PHLPP2: variants seen among roughly 807,000 people sequenced by gnomAD.
PHLPP2 encodes the protein PH domain leucine-rich repeat-containing protein phosphatase 2.
In PHLPP2, 66 loss-of-function variants were observed where a neutral mutation model predicts 124.9. That is an observed-to-expected ratio of 0.53 (90% CI 0.43 to 0.65). The LOEUF (loss-of-function observed/expected upper bound fraction) is 0.65, where lower values mean the gene tolerates loss of function less well. Ranked by LOEUF, PHLPP2 falls within the 30% of genes least tolerant of loss-of-function variation. The pLI is 0.00. For synonymous variants in PHLPP2, 681 were observed against 624.7 expected, an observed-to-expected ratio of 1.09 and a Z score of -1.34; for missense variants, 1,685 against 1,600.4, an observed-to-expected ratio of 1.05 and a Z score of -0.90.
In PHLPP2 at chr16:71,658,283, C is replaced by A; in HGVS notation, c.2229G>T (p.Leu743=). Residue 743 remains leucine, a synonymous_variant, in exon 15 of 19, where the codon CTG becomes CTT. Transcript: ENST00000568954. ...CCAGAACCAGATTTGTATTTCCAGTCAGGTCAAGGTCTTGTAATGTAGCAG... is the reference window on the plus strand; with the variant it reads ...CCAGAACCAGATTTGTATTTCCAGTAAGGTCAAGGTCTTGTAATGTAGCAG... The part of the protein sequence containing the change: ...ALPATLQDLD[L]TGNTNLVLEH... 6.2e-7 allele frequency: 1 copy of A among 1,613,848 alleles called. No homozygotes were observed. The highest frequency in any genetic ancestry group is 1.1e-5 in the South Asian group (1 of 91,044).
chr16:71,664,451 G>GA (rs1261404275), intron 12 of PHLPP2, among the ~76,000 whole-genome samples: 3 of 152,136 alleles, frequency 2.0e-5, no homozygotes, highest in Non-Finnish European at 4.4e-5. Context: ...ACACCATTTA[G>GA]AAAAACTTTT....
At chr16:71,723,944 G>C (rs2045416550) in intron 1 of PHLPP2, 1 of 436,212 alleles carries the variant, frequency 2.3e-6, no homozygotes, top group African/African-American at 2.1e-5. Context: ...CGAGCAACCG[G>C]TGGCCCCGCC....
At chr16:71,679,675 C>T (rs1324693186) in intron 6 of PHLPP2, 140 bp from the exon 7 acceptor site, 7 of 696,898 alleles carry the variant, frequency 1.0e-5, no homozygotes, top group African/African-American at 1.8e-5. Flanking sequence ...TGAGCACTCG[C>T]TGCATATCAA....
In PHLPP2 at chr16:71,649,391, C is replaced by G. The variant is rs1410687591; in HGVS notation, c.3471G>C (p.Gly1157=). The change falls in exon 19 of 19, where the codon GGG becomes GGC. Residue 1157 remains glycine, a synonymous_variant. Transcript: ENST00000568954. The part of the protein sequence containing the change: ...LDSDDDQPVE[G]VITNGSKVEV... Reference sequence around the variant, plus strand: ...CTACCTTGCTGCCATTGGTTATGACCCCCTCAACGGGCTGGTCATCATCAC... The same window carrying G: ...CTACCTTGCTGCCATTGGTTATGACGCCCTCAACGGGCTGGTCATCATCAC... The G allele has an allele frequency of 6.2e-7, 1 of 1,613,944 alleles. No homozygotes were observed. Among genetic ancestry groups the G allele is most frequent in the Non-Finnish European group, 8.5e-7 (1 of 1,179,984 alleles).
chr16:71,691,197 C>G (rs928088158), intron 3 of PHLPP2, among the ~76,000 whole-genome samples: 1 of 152,136 alleles, frequency 6.6e-6, no homozygotes. Flanking sequence ...CTCCCGCCTG[C>G]AATCCCAGCA....
At chr16:71,653,583 G>A (rs189069465) in intron 17 of PHLPP2, among the ~76,000 whole-genome samples, 178 of 152,246 alleles carry the variant, frequency 1.2e-3, no homozygotes, top group Non-Finnish European at 1.9e-3. Context: ...CAATGTTAAC[G>A]AGGAACAGAC....
chr16:71,680,145 T>C (rs1044790692), intron 6 of PHLPP2, among the ~76,000 whole-genome samples: 1 of 152,208 alleles, frequency 6.6e-6, no homozygotes, highest in Non-Finnish European at 1.5e-5. Context: ...ACAATTCTTT[T>C]GTATTTCTTC....
Position 71,648,314 on chromosome 16 carries a change from A to T in PHLPP2, c.*576T>A, listed in dbSNP as rs2044667513. ...GGGTTAATGGCAGGTGGTAGGACTGATACAGAACAGCTGCTTTCTTCCCAG... is the reference window on the plus strand; with the variant it reads ...GGGTTAATGGCAGGTGGTAGGACTGTTACAGAACAGCTGCTTTCTTCCCAG... On this transcript the variant is annotated 3_prime_UTR_variant, in exon 19 of 19. Transcript: ENST00000568954. 1 of 157,532 alleles carries T rather than the reference A, an allele frequency of 6.3e-6. No homozygotes were observed. Among genetic ancestry groups the T allele is most frequent in the Non-Finnish European group, 1.4e-5 (1 of 69,984 alleles). 9.8% of individuals were successfully genotyped at this position (157,532 alleles called of 1,614,324 possible). A position where few individuals can be genotyped will look rare whatever the true frequency, so the allele number is the denominator to read the frequency against.
At chr16:71,713,435 T>C (rs1246029568) in intron 2 of PHLPP2, among the ~76,000 whole-genome samples, 1 of 152,166 alleles carries the variant, frequency 6.6e-6, no homozygotes, top group Non-Finnish European at 1.5e-5. Flanking sequence ...AAATTAACAA[T>C]ACTAATATCC....
intron 1 of PHLPP2, chr16:71,723,743 G>C: frequency 8.6e-7 from 1 of 1,168,120 alleles, no homozygotes; most frequent in Non-Finnish European, 1.1e-6. Flanking sequence ...CCGCTCGCTC[G>C]CTCGCTGGTC....
intron 4 of PHLPP2, 199 bp from the exon 5 acceptor site, chr16:71,684,800 A>C: frequency 1.9e-6 from 1 of 516,304 alleles, no homozygotes. Flanking sequence ...ATCCCAACAC[A>C]TTAGCTGTGC....
intron 17 of PHLPP2, among the ~76,000 whole-genome samples, chr16:71,653,695 G>A (rs928144146): frequency 2.0e-5 from 3 of 152,166 alleles, no homozygotes; most frequent in Non-Finnish European, 4.4e-5. Flanking sequence ...AAAATATATA[G>A]CATGGAAAAT....
intron 5 of PHLPP2, among the ~76,000 whole-genome samples, chr16:71,682,714 G>T (rs2045014331): frequency 2.6e-5 from 4 of 152,042 alleles, no homozygotes; most frequent in Admixed American, 2.0e-4. Context: ...AATGGAATAG[G>T]TACTTAAAAC....
At position 71,649,610 on chromosome 16, in the gene PHLPP2, C is replaced by CATCTCACTGCTGAACTCAGAGGCA; in HGVS notation, c.3228_3251dup (p.Ile1076_Glu1083dup). On this transcript the variant is annotated inframe_insertion, in exon 19 of 19. Transcript: ENST00000568954. ...CTTCACTGCTCACCTCTGAGGTGGA[C>CATCTCACTGCTGAACTCAGAGGCA]ATCTCACTGCTGAACTCAGAGGCAA... is the stretch of plus-strand genomic sequence containing the variant. 1 of 1,614,172 alleles carries CATCTCACTGCTGAACTCAGAGGCA rather than the reference C, an allele frequency of 6.2e-7. No homozygotes were observed.
Position 71,678,948 on chromosome 16 carries a change from T to A in PHLPP2, c.1075A>T (p.Thr359Ser). ...AGATTTCCCAATTCTTCAGGTAAAG[T>A]AGTCAGAAAGTTGCCATCAAGACAG... ...TLCLDGNFLT[T>S]LPEELGNLQQ... Residue 359 changes from threonine to serine, a missense_variant, in exon 8 of 19, where the codon ACT becomes TCT. Thr to Ser is a moderately conservative substitution (Grantham distance 58). Coordinates refer to ENST00000568954, the MANE Select transcript of PHLPP2 (RefSeq NM_015020.3). 6.2e-7 allele frequency: 1 copy of A among 1,612,056 alleles called. No homozygotes were observed. The highest frequency in any genetic ancestry group is 8.5e-7 in the Non-Finnish European group (1 of 1,178,466).
At chr16:71,700,820 T>C (rs1186200566) in intron 3 of PHLPP2, among the ~76,000 whole-genome samples, 1 of 152,126 alleles carries the variant, frequency 6.6e-6, no homozygotes, top group African/African-American at 2.4e-5. Context: ...CCACCGCACC[T>C]GGCCTGTGAC....
chr16:71,685,638 T>C (rs1749887858), intron 4 of PHLPP2, among the ~76,000 whole-genome samples: 1 of 152,216 alleles, frequency 6.6e-6, no homozygotes, highest in Admixed American at 6.5e-5. Flanking sequence ...TAACAAATCA[T>C]TGCAACTGAA....
At chr16:71,678,484 A>G (rs2044967714) in intron 8 of PHLPP2, 2 of 351,396 alleles carry the variant, frequency 5.7e-6, no homozygotes, top group South Asian at 3.5e-5. Flanking sequence ...CTAAAAGTAG[A>G]AAAAAATTAG....
chr16:71,711,495 G>A (rs1366769765), intron 2 of PHLPP2, among the ~76,000 whole-genome samples: 2 of 152,188 alleles, frequency 1.3e-5, no homozygotes, highest in Admixed American at 6.5e-5. Flanking sequence ...ACAGAAGACA[G>A]ACGTAGTATA....
Sources: gnomAD v4.1 joint callset for allele counts (sites outside exome capture counted in the v4.1 genomes callset) on GRCh38, gnomAD v4.1.1 for gene constraint, MANE v1.5 for transcripts, NCBI Gene and HGNC (gene_info 2026-07-23, HGNC 2026-07-21) for gene names.